Variants in GLRB observed in about 807,000 individuals in gnomAD.
GLRB encodes the protein glycine receptor beta.
In GLRB, 33 loss-of-function variants were observed where a neutral mutation model predicts 54.2. That is an observed-to-expected ratio of 0.61 (90% CI 0.46 to 0.81). The LOEUF (loss-of-function observed/expected upper bound fraction) is 0.81. Ranked by LOEUF, GLRB falls within the 40% of genes least tolerant of loss-of-function variation. GLRB has a pLI of 0.00. For synonymous variants in GLRB, 209 were observed against 208.2 expected (o/e 1.00, Z -0.03); for missense variants, 572 against 584.6 (o/e 0.98, Z 0.22).
At chr4:157,111,619 A>G (rs1160755472) in intron 2 of GLRB, among the ~76,000 whole-genome samples, 1 of 152,062 alleles carries the variant, frequency 6.6e-6, no homozygotes, top group Non-Finnish European at 1.5e-5. Context: ...AACTAGTTTT[A>G]GAATTTCTCA....
At chr4:157,119,051 T>C (rs1486095153) in intron 2 of GLRB, among the ~76,000 whole-genome samples, 1 of 151,562 alleles carries the variant, frequency 6.6e-6, no homozygotes, top group African/African-American at 2.4e-5. Flanking sequence ...AGTGCCTTTC[T>C]AAAAAAGGGC....
rs373891004 is a variant in GLRB, at chr4:157,086,226, C to T, written c.122+8080C>T. Among the ~76,000 whole-genome samples, 8 of 152,290 alleles carry T rather than the reference C, an allele frequency of 5.3e-5. 1 individual carries two copies. Among genetic ancestry groups the T allele is most frequent in the Admixed American group, 2.0e-4 (3 of 15,300 alleles). ...ATGTTTATGTTTGGAATGACAACTT[C>T]TTGCTTAATATATCTAGGCTTTACT... On this transcript the variant is annotated intron_variant, in intron 2 of 9. Coordinates refer to ENST00000264428, the MANE Select transcript of GLRB (RefSeq NM_000824.5).
intron 4 of GLRB, among the ~76,000 whole-genome samples, chr4:157,122,637 C>T (rs1472497605): frequency 6.6e-6 from 1 of 151,546 alleles, no homozygotes; most frequent in Non-Finnish European, 1.5e-5. Flanking sequence ...TGATGTATTC[C>T]CCCTGAAAAA....
chr4:157,160,724 C>A (rs1737449186), intron 9 of GLRB, among the ~76,000 whole-genome samples: 1 of 151,978 alleles, frequency 6.6e-6, no homozygotes, highest in Non-Finnish European at 1.5e-5. Flanking sequence ...TGTTCTTTTA[C>A]ATTTGCTGAG....
intron 1 of GLRB, 143 bp from the exon 2 acceptor site, chr4:157,077,853 T>C (rs1458815428): frequency 1.8e-6 from 1 of 553,158 alleles, no homozygotes; most frequent in East Asian, 3.1e-5. Context: ...TTGTGAAGTA[T>C]TACCACATAG....
intron 2 of GLRB, among the ~76,000 whole-genome samples, chr4:157,083,500 A>G (rs1244201067): frequency 6.6e-6 from 1 of 152,146 alleles, no homozygotes; most frequent in Non-Finnish European, 1.5e-5. Flanking sequence ...CTTGGTGGGC[A>G]TATTTTAGAG....
In GLRB at chr4:157,112,773, A is replaced by C. The variant is rs550459239; in HGVS notation, c.123-7783A>C. Among the ~76,000 whole-genome samples, 15 of 151,990 alleles carry C rather than the reference A, an allele frequency of 9.9e-5. No individual in the cohort carries two copies. In the East Asian group the frequency reaches 1.6e-3, roughly 16 times the overall value. Reference sequence around the variant, plus strand: ...AAGTCACTGGGTATGGGCTGCCTCTAGGACAAGACACCTTACTTCAGCCAA... The same window carrying C: ...AAGTCACTGGGTATGGGCTGCCTCTCGGACAAGACACCTTACTTCAGCCAA... On this transcript the variant is annotated intron_variant, in intron 2 of 9. Transcript: ENST00000264428.
chr4:157,163,090 G>A (rs1172394080), intron 9 of GLRB, among the ~76,000 whole-genome samples: 1 of 152,174 alleles, frequency 6.6e-6, no homozygotes, highest in Admixed American at 6.5e-5. Flanking sequence ...TCAGACTGCT[G>A]TGCTAGCAGT....
intron 4 of GLRB, among the ~76,000 whole-genome samples, chr4:157,131,847 C>G (rs1168157134): frequency 2.0e-5 from 3 of 151,752 alleles, no homozygotes; most frequent in Non-Finnish European, 4.4e-5. Flanking sequence ...ACATTTTCAT[C>G]AATTATGAAT....
At chr4:157,139,995 A>C (rs2126574760) in intron 7 of GLRB, among the ~76,000 whole-genome samples, 1 of 152,122 alleles carries the variant, frequency 6.6e-6, no homozygotes, top group Admixed American at 6.5e-5. Context: ...ACATTTACAT[A>C]TTTACAATGC....
At chr4:157,156,044 A>G (rs769571126) in intron 9 of GLRB, among the ~76,000 whole-genome samples, 1 of 152,096 alleles carries the variant, frequency 6.6e-6, no homozygotes, top group African/African-American at 2.4e-5. Flanking sequence ...AAACTTGGAC[A>G]TTTATTAATT....
chr4:157,119,601 A>G (rs908812657), intron 2 of GLRB, among the ~76,000 whole-genome samples: 32 of 151,624 alleles, frequency 2.1e-4, no homozygotes, highest in South Asian at 4.1e-4. Context: ...AATTGTTAAA[A>G]TATATATATT....
At chr4:157,150,453 C>A (rs894054572) in intron 8 of GLRB, among the ~76,000 whole-genome samples, 1 of 151,976 alleles carries the variant, frequency 6.6e-6, no homozygotes, top group African/African-American at 2.4e-5. Context: ...TATAAATATT[C>A]TGTCACACCT....
chr4:157,146,918 G>A (rs1213321380), intron 8 of GLRB, among the ~76,000 whole-genome samples: 1 of 152,118 alleles, frequency 6.6e-6, no homozygotes, highest in Non-Finnish European at 1.5e-5. Context: ...ATTAAAGAAA[G>A]TAGAATCAGG....
At chr4:157,110,203 G>A (rs1735367963) in intron 2 of GLRB, among the ~76,000 whole-genome samples, 1 of 151,968 alleles carries the variant, frequency 6.6e-6, no homozygotes, top group Admixed American at 6.6e-5. Context: ...GCATACAGAA[G>A]ACATTCATCA....
chr4:157,101,493 T>TC (rs2126481433), intron 2 of GLRB, among the ~76,000 whole-genome samples: 2 of 152,136 alleles, frequency 1.3e-5, no homozygotes, highest in Admixed American at 1.3e-4. Context: ...ACACGCAATC[T>TC]CCCCTATATT....
chr4:157,104,534 T>A (rs1220354305), intron 2 of GLRB, among the ~76,000 whole-genome samples: 1 of 151,976 alleles, frequency 6.6e-6, no homozygotes, highest in Non-Finnish European at 1.5e-5. Flanking sequence ...ATGTGTTTTT[T>A]TTTTCCTCTA....
At chr4:157,161,615 T>G (rs1737495241) in intron 9 of GLRB, among the ~76,000 whole-genome samples, 1 of 152,184 alleles carries the variant, frequency 6.6e-6, no homozygotes, top group Admixed American at 6.5e-5. Flanking sequence ...GATATGAAAT[T>G]CTGAGTTGAA....
At chr4:157,162,278 A>G (rs1737528557) in intron 9 of GLRB, among the ~76,000 whole-genome samples, 1 of 152,252 alleles carries the variant, frequency 6.6e-6, no homozygotes, top group South Asian at 2.1e-4. Flanking sequence ...GGGTTTGAAC[A>G]TCCTCCTTTA....
Sources: allele counts gnomAD v4.1 joint callset (sites outside exome capture counted in the v4.1 genomes callset), GRCh38; gene constraint gnomAD v4.1.1; transcripts MANE v1.5; gene names NCBI Gene and HGNC (gene_info 2026-07-23, HGNC 2026-07-21).